Variants in C8orf34 observed in about 807,000 individuals in gnomAD.
C8orf34 encodes the protein uncharacterized protein C8orf34.
Under a neutral mutation model 68.3 loss-of-function variants are expected in C8orf34, and 65 were observed. The observed-to-expected ratio is 0.95, with a 90% CI of 0.78 to 1.17. The LOEUF (loss-of-function observed/expected upper bound fraction) is 1.17, where lower values mean the gene tolerates loss of function less well. Ranked by LOEUF, C8orf34 falls within the 50% of genes most tolerant of loss-of-function variation. The probability of loss-of-function intolerance (pLI) is 0.00; values close to 1 mark genes in which losing one functional copy is unlikely to be tolerated. For missense variants in C8orf34, 664 were observed against 655.4 expected (o/e 1.01, Z -0.14); for synonymous variants, 244 against 241.2 (o/e 1.01, Z -0.11).
chr8:68,427,765 A>T (rs1810290692), intron 1 of C8orf34, among the ~76,000 whole-genome samples: 1 of 152,104 alleles, frequency 6.6e-6, no homozygotes, highest in African/African-American at 2.4e-5. Context: ...ATCATATTAT[A>T]ATTTTTCAAG....
chr8:68,757,253 A>G (rs1369930025), intron 10 of C8orf34, among the ~76,000 whole-genome samples: 2 of 152,162 alleles, frequency 1.3e-5, no homozygotes, highest in East Asian at 3.9e-4. Flanking sequence ...GTGTCCCTCC[A>G]GATTATCTAA....
chr8:68,619,506 T>C (rs1336697721), intron 7 of C8orf34, among the ~76,000 whole-genome samples: 2 of 152,124 alleles, frequency 1.3e-5, no homozygotes, highest in African/African-American at 2.4e-5. Context: ...CTTGAACCAA[T>C]GTATTTTTCT....
intron 1 of C8orf34, among the ~76,000 whole-genome samples, chr8:68,357,097 G>A (rs1361703224): frequency 6.6e-6 from 1 of 151,422 alleles, no homozygotes; most frequent in Non-Finnish European, 1.5e-5. Flanking sequence ...GAATTGTTTT[G>A]GTCATTTTAT....
intron 7 of C8orf34, among the ~76,000 whole-genome samples, chr8:68,594,283 C>T (rs1817479311): frequency 6.6e-6 from 1 of 151,948 alleles, no homozygotes; most frequent in African/African-American, 2.4e-5. Context: ...CTATAATTGT[C>T]TGGTGTTGCT....
At chr8:68,540,572 GT>G (rs1815661997) in intron 7 of C8orf34, among the ~76,000 whole-genome samples, 1 of 151,978 alleles carries the variant, frequency 6.6e-6, no homozygotes, top group Non-Finnish European at 1.5e-5. Context: ...GCCAGGTGCG[GT>G]GGCTCACTCC....
intron 12 of C8orf34, chr8:68,791,852 T>C (rs1317525545): frequency 6.6e-6 from 1 of 152,116 alleles, no homozygotes; most frequent in Non-Finnish European, 1.5e-5. Context: ...AAAAGGGAAA[T>C]AAAATACCTG....
intron 5 of C8orf34, among the ~76,000 whole-genome samples, chr8:68,491,995 G>C (rs1813333258): frequency 6.6e-6 from 1 of 152,052 alleles, no homozygotes; most frequent in South Asian, 2.1e-4. Flanking sequence ...TATGAGTGTT[G>C]GGTGTTTACA....
chr8:68,457,657 T>C (rs1811611277), intron 3 of C8orf34, among the ~76,000 whole-genome samples: 1 of 152,126 alleles, frequency 6.6e-6, no homozygotes, highest in South Asian at 2.1e-4. Flanking sequence ...TAATATACAA[T>C]AGGCTGCTTT....
chr8:68,385,951 G>T (rs1808240544), intron 1 of C8orf34, among the ~76,000 whole-genome samples: 2 of 152,154 alleles, frequency 1.3e-5, no homozygotes, highest in Non-Finnish European at 2.9e-5. Flanking sequence ...CCAGACTGGA[G>T]TGTAGTGGCG....
At chr8:68,776,053 A>G (rs10957447) in intron 10 of C8orf34, among the ~76,000 whole-genome samples, 70,403 of 151,976 alleles carry the variant, frequency 0.46, 19,150 homozygotes, top group African/African-American at 0.76. Context: ...ATGCATGCAG[A>G]GCTTAATACC....
chr8:68,569,027 A>G (rs759507166), intron 7 of C8orf34, among the ~76,000 whole-genome samples: 3 of 152,058 alleles, frequency 2.0e-5, no homozygotes, highest in African/African-American at 7.2e-5. Flanking sequence ...TTGTTTGTCA[A>G]CTCCCGTTGT....
At chr8:68,781,722 C>T (rs530279558) in intron 11 of C8orf34, among the ~76,000 whole-genome samples, 26 of 152,224 alleles carry the variant, frequency 1.7e-4, no homozygotes, top group Non-Finnish European at 2.9e-4. Context: ...AGCTCTATTC[C>T]AGGGAAAACC....
At chr8:68,467,486 G>A (rs1214376756) in intron 3 of C8orf34, among the ~76,000 whole-genome samples, 1 of 151,802 alleles carries the variant, frequency 6.6e-6, no homozygotes, top group African/African-American at 2.4e-5. Context: ...GTAGCCCTCT[G>A]TCCTCTTGCT....
chr8:68,716,481 G>A (rs892926465), intron 9 of C8orf34, among the ~76,000 whole-genome samples: 1 of 151,968 alleles, frequency 6.6e-6, no homozygotes, highest in Admixed American at 6.6e-5. Context: ...TAACAAGTAT[G>A]AATATACATT....
intron 1 of C8orf34, among the ~76,000 whole-genome samples, chr8:68,385,206 A>T (rs1175861556): frequency 6.6e-6 from 1 of 152,150 alleles, no homozygotes; most frequent in East Asian, 1.9e-4. Flanking sequence ...TTATGTGGTA[A>T]TTTTGTCAGC....
chr8:68,361,360 C>CAG (rs956304189), intron 1 of C8orf34, among the ~76,000 whole-genome samples: 8 of 152,084 alleles, frequency 5.3e-5, no homozygotes, highest in Non-Finnish European at 7.4e-5. Flanking sequence ...AGGCTTCCTC[C>CAG]AGAGAGAGAC....
intron 11 of C8orf34, among the ~76,000 whole-genome samples, chr8:68,783,074 A>AAAAAAAG (rs1172282543): frequency 6.6e-6 from 1 of 151,596 alleles, no homozygotes; most frequent in Non-Finnish European, 1.5e-5. Context: ...TCTCAAAAAA[A>AAAAAAAG]AAAAAAGAAA....
chr8:68,464,623 C>G (rs1288559848), intron 3 of C8orf34, among the ~76,000 whole-genome samples: 5 of 152,020 alleles, frequency 3.3e-5, no homozygotes, highest in African/African-American at 9.7e-5. Context: ...TGGAACAGAA[C>G]AGAGCCCTCA....
chr8:68,492,304 A>G (rs1202542630), intron 5 of C8orf34, among the ~76,000 whole-genome samples: 1 of 152,114 alleles, frequency 6.6e-6, no homozygotes, highest in African/African-American at 2.4e-5. Context: ...ATCATAGCTC[A>G]CTGCAATCTC....
Sources: gnomAD v4.1 joint callset for allele counts (sites outside exome capture counted in the v4.1 genomes callset) on GRCh38, gnomAD v4.1.1 for gene constraint, MANE v1.5 for transcripts, NCBI Gene and HGNC (gene_info 2026-07-23, HGNC 2026-07-21) for gene names.